ST14: variants seen among roughly 807,000 people sequenced by gnomAD.
ST14 encodes ST14 transmembrane serine protease matriptase.
In ST14, 40 loss-of-function variants were observed where a neutral mutation model predicts 96.5. The observed-to-expected ratio is 0.41, with a 90% CI of 0.32 to 0.54. The LOEUF (loss-of-function observed/expected upper bound fraction) is 0.54, where lower values mean the gene tolerates loss of function less well. ST14 is among the 20% of genes least tolerant of loss of function. ST14 has a pLI of 0.17. For missense variants in ST14, 1,066 were observed against 1,188.9 expected, an observed-to-expected ratio of 0.90 and a Z score of 1.52; for synonymous variants, 506 against 492.1, an observed-to-expected ratio of 1.03 and a Z score of -0.37.
At chr11:130,198,709 G>A in intron 14 of ST14, 88 bp downstream of exon 14, 1 of 1,385,216 alleles carries the variant, frequency 7.2e-7, no homozygotes, top group Non-Finnish European at 1.0e-6. Context: ...GACGCCCCGA[G>A]TTTAATGAAC....
Position 130,188,614 on chromosome 11 carries a change from A to G in ST14, c.326A>G (p.Asn109Ser), listed in dbSNP as rs755545685. 1.5e-5 allele frequency: 25 copies of G among 1,613,998 alleles called. No homozygotes were observed. The Admixed American group carries it at 2.5e-4, about 16-fold the overall frequency. ...ENFVDAYENSNSTEFVSLASK... is the reference protein window; with the variant it reads ...ENFVDAYENSSSTEFVSLASK... ...TTTGTGGATGCCTACGAGAACTCCA[A>G]CTCCACTGAGTTTGTAAGCCTGGCC... Residue 109 changes from asparagine (N) to serine (S), a missense_variant, in exon 3 of 19, where the codon AAC becomes AGC. Transcript: ENST00000278742. The surrounding 1 kb of genome is among the most constrained non-coding windows in gnomAD (Gnocchi z 5.4).
intron 1 of ST14, among the ~76,000 whole-genome samples, chr11:130,185,146 G>A (rs1953225909): frequency 6.6e-6 from 1 of 152,002 alleles, no homozygotes. Context: ...GATACTCAAT[G>A]GAAATATAAA....
At chr11:130,163,889 G>T (rs1011444443) in intron 1 of ST14, among the ~76,000 whole-genome samples, 4 of 152,176 alleles carry the variant, frequency 2.6e-5, no homozygotes, top group Non-Finnish European at 4.4e-5. Flanking sequence ...CGACTTGCTG[G>T]CCTGTTGCCA....
Position 130,198,428 on chromosome 11 carries a change from G to A in ST14, c.1570+10G>A, listed in dbSNP as rs1240362038. The A allele has an allele frequency of 2.0e-5, 33 of 1,613,828 alleles. No homozygotes were observed. Among genetic ancestry groups the A allele is most frequent in the Non-Finnish European group, 2.8e-5 (33 of 1,179,920 alleles). On this transcript the variant is annotated intron_variant, in intron 13 of 18. Coordinates refer to ENST00000278742, the MANE Select transcript of ST14 (RefSeq NM_021978.4). ...GACGAGCAGGGGTGCAGTGAGTGCT[G>A]GGGAGGGGCTGCCTGGGCGGGCAGG...
rs540558208 is a variant in ST14 at position 130,163,534 on chromosome 11, G to A, written c.81+3474G>A. On this transcript the variant is annotated intron_variant, in intron 1 of 18. Coordinates refer to ENST00000278742, the MANE Select transcript of ST14 (RefSeq NM_021978.4). ...CTTCTAAGTAGTTGGGATTACAGGCGTGAGCCACTGTGCCCACATAAAACT... is the reference window on the plus strand; with the variant it reads ...CTTCTAAGTAGTTGGGATTACAGGCATGAGCCACTGTGCCCACATAAAACT... 1.6e-3 allele frequency among the ~76,000 whole-genome samples: 243 copies of A among 152,316 alleles called. 3 individuals carry two copies. Among genetic ancestry groups the A allele is most frequent in the Middle Eastern group, 3.4e-3 (1 of 294 alleles).
chr11:130,201,231 G>A (rs1195103019), intron 16 of ST14, among the ~76,000 whole-genome samples: 1 of 152,262 alleles, frequency 6.6e-6, no homozygotes, highest in Non-Finnish European at 1.5e-5. Flanking sequence ...CTCTCTGGGC[G>A]TCTGGCTGTT....
intron 1 of ST14, among the ~76,000 whole-genome samples, chr11:130,186,825 G>C (rs763868777): frequency 6.6e-6 from 1 of 152,126 alleles, no homozygotes; most frequent in Non-Finnish European, 1.5e-5. Flanking sequence ...TATGGCGTTG[G>C]CATATTATTT....
chr11:130,160,192 C>A (rs1179341567), intron 1 of ST14, 132 bp downstream of exon 1: 1 of 595,356 alleles, frequency 1.7e-6, no homozygotes, highest in Non-Finnish European at 2.5e-6. Context: ...GGTGGAATTT[C>A]CTGTTCAGCG....
At chr11:130,164,425 T>C (rs79494397) in intron 1 of ST14, among the ~76,000 whole-genome samples, 1 of 146,128 alleles carries the variant, frequency 6.8e-6, no homozygotes, top group Non-Finnish European at 1.5e-5. Flanking sequence ...TTATTACTGT[T>C]TTTTTTTTTT....
intron 1 of ST14, among the ~76,000 whole-genome samples, chr11:130,183,017 C>T (rs544852190): frequency 6.6e-6 from 1 of 151,078 alleles, no homozygotes; most frequent in East Asian, 2.0e-4. Context: ...AGTGTAATGG[C>T]ACGATTTTGG....
At chr11:130,186,336 T>TGAAGAAAATGATCCA (rs1278214521) in intron 1 of ST14, among the ~76,000 whole-genome samples, 7 of 152,100 alleles carry the variant, frequency 4.6e-5, no homozygotes, top group Non-Finnish European at 1.0e-4. Context: ...CCAAGAAAGA[T>TGAAGAAAATGATCCA]GAAGAAAATG....
intron 13 of ST14, 42 bp downstream of exon 13, chr11:130,198,460 G>A (rs1453926071): frequency 1.4e-5 from 22 of 1,613,078 alleles, no homozygotes; most frequent in Non-Finnish European, 1.8e-5. Flanking sequence ...CAGGTGGGCG[G>A]GGCGACTGAC....
chr11:130,169,342 G>A (rs1184285889), intron 1 of ST14, among the ~76,000 whole-genome samples: 3 of 152,112 alleles, frequency 2.0e-5, no homozygotes, highest in South Asian at 2.1e-4. Context: ...TGATCCACCC[G>A]CCTTGGCCTT....
At chr11:130,191,462 G>GTC (rs1215142730) in intron 7 of ST14, among the ~76,000 whole-genome samples, 1 of 152,164 alleles carries the variant, frequency 6.6e-6, no homozygotes, top group Non-Finnish European at 1.5e-5. Context: ...GGCCAAGGCG[G>GTC]CTGGATCACT....
rs1432565174 is a variant in ST14, at chr11:130,190,475, A to G, written c.656A>G (p.His219Arg). 1 of 1,607,378 alleles carries G rather than the reference A, an allele frequency of 6.2e-7. No homozygotes were observed. Among genetic ancestry groups the G allele is most frequent in the Admixed American group, 1.7e-5 (1 of 60,014 alleles). The change falls in exon 7 of 19, where the codon CAC (histidine) becomes CGC (arginine). Residue 219 changes from histidine (H) to arginine (R), a missense_variant. Physicochemically the swap from His to Arg is conservative, Grantham distance 29. Transcript: ENST00000278742. ...TQDNSCSFGL[H>R]ARGVELMRFT... ...GCAGACAGCTGCAGCTTTGGCCTGC[A>G]CGCCCGCGGTGTGGAGCTGATGCGC...
chr11:130,191,407 G>T (rs1953297818), intron 7 of ST14, among the ~76,000 whole-genome samples: 1 of 151,948 alleles, frequency 6.6e-6, no homozygotes, highest in African/African-American at 2.4e-5. Context: ...AGCCTTTTAT[G>T]GGCCGGGCAT....
chr11:130,202,268 G>A (rs762481161), intron 16 of ST14, among the ~76,000 whole-genome samples: 28 of 152,088 alleles, frequency 1.8e-4, no homozygotes, highest in Non-Finnish European at 3.7e-4. Flanking sequence ...TTCTGCCAAC[G>A]AGTAGTGCAA....
At chr11:130,196,518 C>A (rs572651794) in intron 10 of ST14, 52 bp from the exon 11 acceptor site, 44 of 1,545,124 alleles carry the variant, frequency 2.8e-5, no homozygotes, top group South Asian at 1.0e-4. Context: ...AGACCCCCAG[C>A]CCCCCGGCTC....
Position 130,190,627 on chromosome 11 carries a change from G to A in ST14, c.808G>A (p.Glu270Lys), listed in dbSNP as rs754130670. Reference sequence around the variant, plus strand: ...CAGCTTTGACCTTGCGTCCTGCGACGAGCGCGGCAGCGACCTGGTGACGGT... The same window carrying A: ...CAGCTTTGACCTTGCGTCCTGCGACAAGCGCGGCAGCGACCTGGTGACGGT... ...FRSFDLASCD[E>K]RGSDLVTVYN... Residue 270 changes from glutamate to lysine, a missense_variant, in exon 7 of 19, where the codon GAG (glutamate) becomes AAG (lysine). Physicochemically the swap from Glu to Lys is moderately conservative, Grantham distance 56. Transcript: ENST00000278742. The A allele has an allele frequency of 8.7e-6, 14 of 1,611,634 alleles. No individual in the cohort carries two copies. Among genetic ancestry groups the A allele is most frequent in the South Asian group, 4.4e-5 (4 of 90,750 alleles).
Sources: allele counts gnomAD v4.1 joint callset (sites outside exome capture counted in the v4.1 genomes callset), GRCh38; gene constraint gnomAD v4.1.1; non-coding constraint Gnocchi (gnomAD v3.1); transcripts MANE v1.5; gene names NCBI Gene and HGNC (gene_info 2026-07-23, HGNC 2026-07-21).